Variants in LOC400499 observed in about 807,000 individuals in gnomAD.
chr16:11,472,129 C>T, the LOC400499 span: 5 of 262,528 alleles, frequency 1.9e-5, no homozygotes, highest in Admixed American at 1.6e-4. Flanking sequence ...TATTTCTGCA[C>T]ATATTACCAA....
At chr16:11,445,968 G>A in the LOC400499 span, among the ~76,000 whole-genome samples, 26 of 151,776 alleles carry the variant, frequency 1.7e-4, no homozygotes, top group Non-Finnish European at 3.8e-4. Context: ...GGGACTGCAG[G>A]TACCTACCAC....
At chr16:11,425,091 G>A in the LOC400499 span, 2 of 398,992 alleles carry the variant, frequency 5.0e-6, no homozygotes, top group East Asian at 3.6e-5. Context: ...AGAAGTCTTG[G>A]AGGAAGCTGT....
At chr16:11,519,999 G>A in the LOC400499 span, among the ~76,000 whole-genome samples, 353 of 152,166 alleles carry the variant, frequency 2.3e-3, no homozygotes, top group African/African-American at 6.3e-3. Context: ...CACCGCGCCC[G>A]GCCTATGTGA....
the LOC400499 span, among the ~76,000 whole-genome samples, chr16:11,437,882 G>T: frequency 2.6e-5 from 4 of 152,214 alleles, no homozygotes; most frequent in East Asian, 7.7e-4. Flanking sequence ...AAATACTAAT[G>T]ATAATAATGT....
At chr16:11,451,779 T>C in the LOC400499 span, among the ~76,000 whole-genome samples, 1 of 152,294 alleles carries the variant, frequency 6.6e-6, no homozygotes, top group South Asian at 2.1e-4. Flanking sequence ...GGAGATTTAC[T>C]GTCTGGGGAA....
chr16:11,460,869 G>A, the LOC400499 span: 1 of 1,401,976 alleles, frequency 7.1e-7, no homozygotes, highest in East Asian at 2.5e-5. Context: ...ACCCCGTGGT[G>A]ACAGCGTATC....
At chr16:11,451,916 C>T in the LOC400499 span, among the ~76,000 whole-genome samples, 1 of 152,120 alleles carries the variant, frequency 6.6e-6, no homozygotes, top group Non-Finnish European at 1.5e-5. Context: ...TCCCTTCCCA[C>T]GGGAAGCGGG....
chr16:11,429,053 A>C, the LOC400499 span, among the ~76,000 whole-genome samples: 1 of 152,126 alleles, frequency 6.6e-6, no homozygotes, highest in Admixed American at 6.5e-5. Context: ...ATGAGTCCCT[A>C]CTGAGGTTAA....
At chr16:11,500,372 G>T in the LOC400499 span, among the ~76,000 whole-genome samples, 1 of 152,104 alleles carries the variant, frequency 6.6e-6, no homozygotes, top group Non-Finnish European at 1.5e-5. Flanking sequence ...TTAGCCAGGT[G>T]GGGTGGTGCA....
the LOC400499 span, among the ~76,000 whole-genome samples, chr16:11,481,656 G>A: frequency 3.3e-5 from 5 of 150,346 alleles, no homozygotes; most frequent in East Asian, 2.0e-4. Flanking sequence ...TTTTTGAGAC[G>A]GAGTCTTGCT....
chr16:11,401,230 G>GC, the LOC400499 span: 4,089 of 399,090 alleles, frequency 0.01, 150 homozygotes, highest in African/African-American at 0.076. Context: ...CCCACCTCCA[G>GC]CCCCGGCCAA....
chr16:11,457,177 C>A, the LOC400499 span: 2 of 761,106 alleles, frequency 2.6e-6, no homozygotes, highest in Non-Finnish European at 2.0e-6. Context: ...GGAACGCAGT[C>A]CAAAAAAACA....
At chr16:11,390,516 C>T in the LOC400499 span, 2 of 1,220,988 alleles carry the variant, frequency 1.6e-6, no homozygotes, top group Admixed American at 4.2e-5. Context: ...GTCAGAGAAC[C>T]AGCCCTGCCC....
At chr16:11,393,385 A>G in the LOC400499 span, 1 of 1,231,940 alleles carries the variant, frequency 8.1e-7, no homozygotes. Flanking sequence ...CCCAGCTGCC[A>G]CTCACCCTCC....
At chr16:11,463,149 A>T in the LOC400499 span, among the ~76,000 whole-genome samples, 1 of 152,170 alleles carries the variant, frequency 6.6e-6, no homozygotes, top group East Asian at 1.9e-4. Flanking sequence ...GGCCACGGGG[A>T]CAGCTCACTA....
chr16:11,446,933 G>A, the LOC400499 span: 76 of 1,524,866 alleles, frequency 5.0e-5, 1 homozygote, highest in Middle Eastern at 3.9e-4. Context: ...GGGAAAAACA[G>A]GCCAAAGCCA....
chr16:11,481,410 C>A, the LOC400499 span, among the ~76,000 whole-genome samples: 43 of 152,264 alleles, frequency 2.8e-4, no homozygotes, highest in South Asian at 6.2e-3. Flanking sequence ...GCAACCTCTG[C>A]CTCTTGGGTT....
the LOC400499 span, among the ~76,000 whole-genome samples, chr16:11,487,824 A>G: frequency 2.0e-5 from 3 of 152,194 alleles, no homozygotes; most frequent in Non-Finnish European, 2.9e-5. Context: ...ATTTAATAAA[A>G]CAGTGTTTCC....
chr16:11,446,430 T>A, the LOC400499 span: 3 of 900,954 alleles, frequency 3.3e-6, no homozygotes, highest in Admixed American at 2.1e-5. Context: ...GTAGCTAAGA[T>A]TACAGGTGTG....
Sources: gnomAD v4.1 joint callset for allele counts (sites outside exome capture counted in the v4.1 genomes callset) on GRCh38, gnomAD v4.1.1 for gene constraint, MANE v1.5 for transcripts.